Variants in KDM1A observed in about 807,000 individuals in gnomAD.
KDM1A encodes lysine-specific histone demethylase 1A.
In KDM1A, 49 loss-of-function variants were observed where a neutral mutation model predicts 109.4. That is an observed-to-expected ratio of 0.45 (90% CI 0.36 to 0.57). The LOEUF (loss-of-function observed/expected upper bound fraction) is 0.57, where lower values mean the gene tolerates loss of function less well. Ranked by LOEUF, KDM1A falls within the 20% of genes least tolerant of loss-of-function variation. The pLI, the probability that KDM1A is intolerant of heterozygous loss-of-function variation, is 0.00. For missense variants in KDM1A, 668 were observed against 1,116.6 expected (o/e 0.60, Z 5.73); for synonymous variants, 380 against 415.4 (o/e 0.91, Z 1.04).
intron 1 of KDM1A, among the ~76,000 whole-genome samples, chr1:23,023,577 A>G (rs953871422): frequency 1.3e-5 from 2 of 152,158 alleles, no homozygotes; most frequent in African/African-American, 2.4e-5. Context: ...TTCCAGTACC[A>G]CACTATCCTG....
At chr1:23,074,836 T>G (rs1643417773) in intron 15 of KDM1A, among the ~76,000 whole-genome samples, 1 of 152,234 alleles carries the variant, frequency 6.6e-6, no homozygotes, top group Admixed American at 6.5e-5. Context: ...TGTTGAAAAT[T>G]AATTGGCATG....
intron 18 of KDM1A, among the ~76,000 whole-genome samples, chr1:23,080,501 A>G (rs1052266880): frequency 6.6e-6 from 1 of 152,114 alleles, no homozygotes; most frequent in Non-Finnish European, 1.5e-5. Flanking sequence ...TGCTTCTTTT[A>G]GTGACTTTCT....
chr1:23,078,420 G>A (rs184288045), intron 16 of KDM1A, among the ~76,000 whole-genome samples: 3 of 152,044 alleles, frequency 2.0e-5, no homozygotes, highest in African/African-American at 7.2e-5. Flanking sequence ...AAAAACAAAC[G>A]AGGAAAACGA....
At chr1:23,066,403 A>G (rs1212610771) in intron 10 of KDM1A, among the ~76,000 whole-genome samples, 1 of 152,108 alleles carries the variant, frequency 6.6e-6, no homozygotes, top group Non-Finnish European at 1.5e-5. Context: ...ATATTTCTCT[A>G]CCACACACCC....
rs958299227 is a variant in KDM1A at position 23,081,134 on chromosome 1, T to C, written c.2171-312T>C. 1.9e-5 allele frequency: 5 copies of C among 259,952 alleles called. No homozygotes were observed. The Admixed American group carries it at 2.0e-4, about 10-fold the overall frequency. The allele number at this position is 259,952 out of a possible 1,614,324, so 16.1% of individuals were successfully genotyped here. On this transcript the variant is annotated intron_variant, in intron 18 of 20. Transcript: ENST00000400181. Reference sequence around the variant, plus strand: ...ATTCTGTGCCAAAGTAAAGCGATGCTTAATAATTCCCTTTTATTAGCAAGA... The same window carrying C: ...ATTCTGTGCCAAAGTAAAGCGATGCCTAATAATTCCCTTTTATTAGCAAGA...
At chr1:23,082,075 G>A in intron 19 of KDM1A, 145 bp from the exon 20 acceptor site, 2 of 764,364 alleles carry the variant, frequency 2.6e-6, no homozygotes, top group Non-Finnish European at 4.2e-6. Flanking sequence ...TTTAAAGCAG[G>A]CATTCATCAC....
At chr1:23,040,229 G>A (rs781540285) in intron 2 of KDM1A, among the ~76,000 whole-genome samples, 4 of 152,210 alleles carry the variant, frequency 2.6e-5, no homozygotes, top group Non-Finnish European at 4.4e-5. Flanking sequence ...CAACCAACCA[G>A]TGATTTTCAC....
intron 8 of KDM1A, 116 bp from the exon 9 acceptor site, chr1:23,058,957 T>C (rs1642920113): frequency 3.6e-6 from 2 of 551,140 alleles, no homozygotes; most frequent in African/African-American, 2.0e-5. Flanking sequence ...TGAGAAATAA[T>C]TACATACTGT....
At chr1:23,071,471 C>A in intron 13 of KDM1A, 112 bp downstream of exon 13, 1 of 990,020 alleles carries the variant, frequency 1.0e-6, no homozygotes, top group Non-Finnish European at 1.5e-6. Context: ...GCCTTCAGTG[C>A]AATGAAGACG....
chr1:23,057,750 G>T (rs1642875203), intron 8 of KDM1A, 185 bp downstream of exon 8: 3 of 280,534 alleles, frequency 1.1e-5, no homozygotes, highest in South Asian at 1.2e-4. Context: ...CCTTTTTCTA[G>T]TTCTAGGAAA....
intron 2 of KDM1A, 164 bp from the exon 3 acceptor site, chr1:23,044,263 A>C (rs925974610): frequency 1.6e-6 from 1 of 608,420 alleles, no homozygotes; most frequent in African/African-American, 1.9e-5. Flanking sequence ...TTGGAAGACT[A>C]TGATGTAATT....
intron 3 of KDM1A, among the ~76,000 whole-genome samples, chr1:23,046,810 G>C (rs1301597757): frequency 1.3e-5 from 2 of 152,214 alleles, no homozygotes; most frequent in Non-Finnish European, 2.9e-5. Flanking sequence ...TATAAAGGTG[G>C]TGAGCAGGAA....
chr1:23,059,219 CA>C, intron 9 of KDM1A, 52 bp downstream of exon 9: 1 of 1,350,766 alleles, frequency 7.4e-7, no homozygotes, highest in South Asian at 1.2e-5. Context: ...CACTTGAAAA[CA>C]ATTTTAGGAG....
intron 15 of KDM1A, among the ~76,000 whole-genome samples, chr1:23,076,264 T>C (rs1643461859): frequency 6.6e-6 from 1 of 152,104 alleles, no homozygotes; most frequent in Admixed American, 6.5e-5. Flanking sequence ...ACAAAAAAAA[T>C]GTTACATAGA....
Position 23,053,705 on chromosome 1 carries a change from A to G in KDM1A, c.712-56A>G, listed in dbSNP as rs579785. The G allele has an allele frequency of 0.81, 955,308 of 1,182,844 alleles. 390,598 individuals carry two copies. The highest frequency in any genetic ancestry group is 0.84 in the Non-Finnish European group (666,321 of 795,002). 73.3% of individuals were successfully genotyped at this position (1,182,844 alleles called of 1,614,324 possible). ...CCAGCTAAAAGATGATTTTAAAGAT[A>G]GTCAAATAACATATGTCTATTTGTA... On this transcript the variant is annotated intron_variant, in intron 4 of 20. Coordinates refer to ENST00000400181, the MANE Select transcript of KDM1A (RefSeq NM_001009999.3).
At chr1:23,063,644 A>G (rs764486251) in intron 9 of KDM1A, among the ~76,000 whole-genome samples, 8 of 152,204 alleles carry the variant, frequency 5.3e-5, no homozygotes, top group Non-Finnish European at 8.8e-5. Context: ...CTGAAGTTGC[A>G]AATAGTTTTT....
At chr1:23,051,795 C>T (rs1024286921) in intron 4 of KDM1A, among the ~76,000 whole-genome samples, 1 of 152,132 alleles carries the variant, frequency 6.6e-6, no homozygotes, top group African/African-American at 2.4e-5. Context: ...TGCTTTTTAG[C>T]CACCACCAGC....
intron 19 of KDM1A, 134 bp from the exon 20 acceptor site, chr1:23,082,086 T>G: frequency 1.1e-6 from 1 of 882,182 alleles, no homozygotes; most frequent in East Asian, 2.6e-5. Context: ...CATTCATCAC[T>G]TGATCACTGG....
At chr1:23,070,323 T>G (rs1347909090) in intron 12 of KDM1A, among the ~76,000 whole-genome samples, 1 of 151,944 alleles carries the variant, frequency 6.6e-6, no homozygotes, top group African/African-American at 2.4e-5. Flanking sequence ...TACAAAAAAT[T>G]TGCTGGGCAT....
Sources: gnomAD v4.1 joint callset for allele counts (sites outside exome capture counted in the v4.1 genomes callset) on GRCh38, gnomAD v4.1.1 for gene constraint, MANE v1.5 for transcripts, NCBI Gene and HGNC (gene_info 2026-07-23, HGNC 2026-07-21) for gene names.